PCNX4: variants seen among roughly 807,000 people sequenced by gnomAD.
PCNX4 encodes the protein pecanex-like protein 4.
PCNX4 carries 103 observed loss-of-function variants against 107.2 expected under a neutral mutation model. The observed-to-expected ratio is 0.96, with a 90% CI of 0.82 to 1.13. PCNX4 has a LOEUF of 1.13. Among genes scored for constraint, PCNX4 ranks in the 50% most tolerant of loss-of-function variants. The pLI, the probability that PCNX4 is intolerant of heterozygous loss-of-function variation, is 0.00. For missense variants in PCNX4, 1,528 were observed against 1,379.4 expected (o/e 1.11, Z -1.71); for synonymous variants, 541 against 481.7 (o/e 1.12, Z -1.61).
intron 3 of PCNX4, 38 bp from the exon 4 acceptor site, chr14:60,114,936 T>A (rs1165107280): frequency 6.5e-7 from 1 of 1,531,892 alleles, no homozygotes; most frequent in Admixed American, 2.3e-5. Flanking sequence ...CATTTTTCTT[T>A]TCAAGTAAAT....
At chr14:60,105,170 T>C (rs776649443) in intron 1 of PCNX4, among the ~76,000 whole-genome samples, 36 of 152,232 alleles carry the variant, frequency 2.4e-4, no homozygotes, top group Non-Finnish European at 4.3e-4. Context: ...TTGTGATGCC[T>C]AACCTGTAGT....
Position 60,114,800 on chromosome 14 carries a change from C to A in PCNX4, c.790C>A (p.Pro264Thr), listed in dbSNP as rs370177771. The A allele has an allele frequency of 2.7e-5, 44 of 1,613,736 alleles. No individual in the cohort carries two copies. Among genetic ancestry groups the A allele is most frequent in the Non-Finnish European group, 3.5e-5 (41 of 1,179,864 alleles). ...FLWALGTLPP[P>T]DALLLWAMEQ... ...GTGGGCACTTGGGACTCTGCCCCCA[C>A]CCGATGCACTTCTCTTATGGGCAAT... The change falls in exon 3 of 11, where the codon CCC becomes ACC. Residue 264 changes from proline to threonine, a missense_variant. Transcript: ENST00000406854.
At chr14:60,127,083 G>C (rs1025340487) in intron 10 of PCNX4, among the ~76,000 whole-genome samples, 3 of 152,192 alleles carry the variant, frequency 2.0e-5, no homozygotes, top group African/African-American at 7.2e-5. Flanking sequence ...TATCTGCAAC[G>C]GAGTGTAGAC....
At chr14:60,131,578 T>C (rs1896156101) in intron 10 of PCNX4, among the ~76,000 whole-genome samples, 1 of 152,148 alleles carries the variant, frequency 6.6e-6, no homozygotes, top group Admixed American at 6.5e-5. Flanking sequence ...TAAATAAACA[T>C]CCAGTGTTCA....
chr14:60,108,409 A>C lies in PCNX4; in HGVS notation c.689+82A>C. On this transcript the variant is annotated intron_variant, in intron 2 of 10. Coordinates refer to ENST00000406854, the MANE Select transcript of PCNX4 (RefSeq NM_001330177.2). ...AGAGCTTTCCTTTTAGTGTTACAAA[A>C]AAATGAATCCATGGATTAAAAATCA... The C allele has an allele frequency of 8.6e-6, 9 of 1,052,502 alleles. No homozygotes were observed. The South Asian group carries it at 1.7e-4, about 20-fold the overall frequency. The allele number at this position is 1,052,502 out of a possible 1,614,324, so 65.2% of individuals were successfully genotyped here.
At chr14:60,125,590 G>A (rs1262785071) in intron 9 of PCNX4, 47 bp from the exon 10 acceptor site, 13 of 1,283,446 alleles carry the variant, frequency 1.0e-5, no homozygotes, top group Non-Finnish European at 1.3e-5. Flanking sequence ...GATCTTTAAA[G>A]TTGACAGCAA....
chr14:60,120,058 C>T (rs1895926351), intron 7 of PCNX4, among the ~76,000 whole-genome samples: 1 of 152,124 alleles, frequency 6.6e-6, no homozygotes, highest in Non-Finnish European at 1.5e-5. Flanking sequence ...TTTGGGGGGT[C>T]CTCAAGACTA....
chr14:60,114,591 G>GTTTT, intron 2 of PCNX4, 109 bp from the exon 3 acceptor site: 1 of 702,980 alleles, frequency 1.4e-6, no homozygotes. Flanking sequence ...TGTGTGTGTG[G>GTTTT]TTTTTTTTTG....
At chr14:60,115,841 T>C (rs1338066054) in intron 5 of PCNX4, 22 bp downstream of exon 5, 1 of 1,599,884 alleles carries the variant, frequency 6.3e-7, no homozygotes, top group Non-Finnish European at 8.5e-7. Flanking sequence ...ATGTGTTTAA[T>C]AGTATTTTCC....
intron 1 of PCNX4, among the ~76,000 whole-genome samples, chr14:60,098,121 A>T (rs1335762602): frequency 6.6e-6 from 1 of 152,162 alleles, no homozygotes; most frequent in Non-Finnish European, 1.5e-5. Flanking sequence ...CTCTGACCAG[A>T]AACATTCGAA....
At position 60,127,634 on chromosome 14, in the gene PCNX4, C is replaced by T. The variant is rs192426084; in HGVS notation, c.3267+1811C>T. Among the ~76,000 whole-genome samples, 3 of 152,232 alleles carry T rather than the reference C, an allele frequency of 2.0e-5. No individual in the cohort carries two copies. The East Asian group carries it at 5.8e-4, about 29-fold the overall frequency. The stretch of plus-strand genomic sequence containing the variant: ...CAAACAAGTACATAATAATAACAAG[C>T]CCTGGAGTTAGGAATGAAGAGGACC... On this transcript the variant is annotated intron_variant, in intron 10 of 10. Transcript: ENST00000406854.
intron 2 of PCNX4, 144 bp from the exon 3 acceptor site, chr14:60,114,556 T>C: frequency 1.6e-6 from 1 of 610,484 alleles, no homozygotes; most frequent in East Asian, 2.8e-5. Flanking sequence ...CATTTGTAAG[T>C]TGGGACTAAG....
chr14:60,114,985 T>C lies in PCNX4; in HGVS notation c.881T>C (p.Met294Thr), dbSNP rs1895815821. ...SMSTHLRLLV[M>T]FIMSAGTAIA... Reference sequence around the variant, plus strand: ...TTTTTTCTGTACAGGTTATTAGTAATGTTCATCATGTCTGCTGGAACAGCT... The same window carrying C: ...TTTTTTCTGTACAGGTTATTAGTAACGTTCATCATGTCTGCTGGAACAGCT... The change falls in exon 4 of 11, where the codon ATG becomes ACG. Residue 294 changes from methionine to threonine, a missense_variant. Coordinates refer to ENST00000406854, the MANE Select transcript of PCNX4 (RefSeq NM_001330177.2). The C allele has an allele frequency of 2.5e-6, 4 of 1,598,982 alleles. No homozygotes were observed. In the South Asian group the frequency reaches 3.4e-5, roughly 13 times the overall value.
intron 1 of PCNX4, among the ~76,000 whole-genome samples, chr14:60,101,544 A>C (rs1162332132): frequency 6.6e-6 from 1 of 152,214 alleles, no homozygotes; most frequent in Non-Finnish European, 1.5e-5. Context: ...AGTACTCCTT[A>C]ATATCACCTC....
intron 10 of PCNX4, among the ~76,000 whole-genome samples, chr14:60,128,312 A>G (rs1335225684): frequency 6.6e-6 from 1 of 152,212 alleles, no homozygotes; most frequent in Non-Finnish European, 1.5e-5. Context: ...GTGGAAATCC[A>G]AAGACCAGGA....
In PCNX4 at chr14:60,134,816, C is replaced by T. The variant is rs1038854590; in HGVS notation, c.*595C>T. The T allele has an allele frequency of 3.3e-5, 5 of 152,292 alleles. No individual in the cohort carries two copies. The highest frequency in any genetic ancestry group is 1.3e-4 in the Admixed American group (2 of 15,290). 9.4% of individuals were successfully genotyped at this position (152,292 alleles called of 1,614,324 possible). A position where few individuals can be genotyped will look rare whatever the true frequency, so the allele number is the denominator to read the frequency against. ...AATATTTTCCTTCCTTTTCAAATAT[C>T]CTTCTAATATATGTGAAAGGAGCGG... On this transcript the variant is annotated 3_prime_UTR_variant, in exon 11 of 11. Transcript: ENST00000406854.
intron 1 of PCNX4, among the ~76,000 whole-genome samples, chr14:60,099,632 A>C (rs1047355399): frequency 6.6e-6 from 1 of 152,244 alleles, no homozygotes; most frequent in African/African-American, 2.4e-5. Context: ...AAAAGTTGAA[A>C]TTGTGGGAAG....
At chr14:60,097,878 A>G (rs968455287) in intron 1 of PCNX4, among the ~76,000 whole-genome samples, 2 of 152,212 alleles carry the variant, frequency 1.3e-5, no homozygotes, top group African/African-American at 2.4e-5. Flanking sequence ...TCTGCAGTCA[A>G]TCCAAGACCC....
In PCNX4 at chr14:60,115,129, A is replaced by T. The variant is rs1895819546; in HGVS notation, c.1025A>T (p.Asp342Val). Residue 342 changes from aspartate (D) to valine (V), a missense_variant, in exon 4 of 11, where the codon GAT becomes GTT. Coordinates refer to ENST00000406854, the MANE Select transcript of PCNX4 (RefSeq NM_001330177.2). ...MGHKIGTKSK[D>V]LPSGPEKHFS... ...CACAAAATTGGAACCAAATCTAAGG[A>T]TTTACCCAGTGGTCCGGAAAAACAT... 4 of 1,613,844 alleles carry T rather than the reference A, an allele frequency of 2.5e-6. No homozygotes were observed. Among genetic ancestry groups the T allele is most frequent in the Non-Finnish European group, 3.4e-6 (4 of 1,179,826 alleles).
Sources: gnomAD v4.1 joint callset for allele counts (sites outside exome capture counted in the v4.1 genomes callset) on GRCh38, gnomAD v4.1.1 for gene constraint, MANE v1.5 for transcripts, NCBI Gene and HGNC (gene_info 2026-07-23, HGNC 2026-07-21) for gene names.